ROBO1: variants seen among roughly 807,000 people sequenced by gnomAD.
The protein encoded by ROBO1 is roundabout guidance receptor 1, also known as roundabout homolog 1.
In ROBO1, 149 loss-of-function variants were observed where a neutral mutation model predicts 195.9. That is an observed-to-expected ratio of 0.76 (90% CI 0.67 to 0.87). The LOEUF is 0.87. Among genes scored for constraint, ROBO1 ranks in the 40% least tolerant of loss-of-function variants. The pLI is 0.00. For missense variants in ROBO1, 1,933 were observed against 2,068.3 expected, an observed-to-expected ratio of 0.93 and a Z score of 1.27; for synonymous variants, 816 against 733.2, an observed-to-expected ratio of 1.11 and a Z score of -1.82.
At chr3:79,518,206 A>T (rs918515808) in intron 2 of ROBO1, among the ~76,000 whole-genome samples, 7 of 152,204 alleles carry the variant, frequency 4.6e-5, no homozygotes, top group Admixed American at 1.3e-4. Context: ...AAGTGTATTT[A>T]GTTTATCAAT....
At chr3:79,431,607 T>A (rs1438127397) in intron 2 of ROBO1, among the ~76,000 whole-genome samples, 7 of 152,120 alleles carry the variant, frequency 4.6e-5, no homozygotes, top group Non-Finnish European at 8.8e-5. Context: ...TACAAATCAT[T>A]TACTAGGCAA....
At chr3:79,522,030 A>G (rs922134230) in intron 2 of ROBO1, among the ~76,000 whole-genome samples, 1 of 152,214 alleles carries the variant, frequency 6.6e-6, no homozygotes, top group Non-Finnish European at 1.5e-5. Context: ...ATGACTGTCA[A>G]TATGGTCAAA....
chr3:78,757,042 C>A (rs536311185), intron 4 of ROBO1, among the ~76,000 whole-genome samples: 2 of 152,316 alleles, frequency 1.3e-5, no homozygotes, highest in South Asian at 2.1e-4. Flanking sequence ...CAGGCAAGCA[C>A]CACCATGCCC....
chr3:78,823,874 CTGTGTG>C (rs374708762), intron 4 of ROBO1, among the ~76,000 whole-genome samples: 16 of 150,440 alleles, frequency 1.1e-4, no homozygotes, highest in African/African-American at 2.4e-4. Context: ...AATTTTGTCA[CTGTGTG>C]TGTGTGTGTG....
intron 4 of ROBO1, among the ~76,000 whole-genome samples, chr3:78,758,547 A>AAAAAAAC (rs2083004001): frequency 6.9e-6 from 1 of 144,676 alleles, no homozygotes; most frequent in African/African-American, 2.6e-5. Flanking sequence ...AAAAAAAAAA[A>AAAAAAAC]AATCCTCCTC....
At chr3:79,684,358 T>C (rs1947037731) in intron 1 of ROBO1, among the ~76,000 whole-genome samples, 1 of 152,108 alleles carries the variant, frequency 6.6e-6, no homozygotes, top group South Asian at 2.1e-4. Flanking sequence ...TTCAGTTATT[T>C]TGCTTTTTTG....
chr3:78,958,064 T>C (rs933801768), intron 3 of ROBO1, among the ~76,000 whole-genome samples: 2 of 152,200 alleles, frequency 1.3e-5, no homozygotes, highest in Non-Finnish European at 2.9e-5. Flanking sequence ...TAAATTTACT[T>C]TGTCATTAAT....
intron 2 of ROBO1, among the ~76,000 whole-genome samples, chr3:79,560,986 G>A (rs1002317369): frequency 1.3e-5 from 2 of 151,666 alleles, no homozygotes; most frequent in African/African-American, 2.4e-5. Context: ...TTTCCCAACC[G>A]ATATTTGACT....
At chr3:78,997,901 A>G (rs2077406843) in intron 3 of ROBO1, among the ~76,000 whole-genome samples, 1 of 152,168 alleles carries the variant, frequency 6.6e-6, no homozygotes, top group South Asian at 2.1e-4. Flanking sequence ...GAGAAGGTCT[A>G]TCTTTGGAAA....
rs1039385903 is a variant in ROBO1 at position 79,207,748 on chromosome 3, G to T, written c.89-82209C>A. ...GAATCCCCCTAATTTCTTTTACATG[G>T]AGAGTCATATAAGATTGAATTGGTG... is the stretch of plus-strand genomic sequence containing the variant. On this transcript the variant is annotated intron_variant, in intron 2 of 30. Transcript: ENST00000464233. Among the ~76,000 whole-genome samples the T allele has an allele frequency of 4.7e-5, 7 of 149,000 alleles. 2 individuals carry two copies. Among genetic ancestry groups the T allele is most frequent in the Non-Finnish European group, 7.4e-5 (5 of 67,594 alleles).
At chr3:78,711,403 CTTTCTTT>C (rs2081726298) in intron 8 of ROBO1, among the ~76,000 whole-genome samples, 48 of 56,720 alleles carry the variant, frequency 8.5e-4, no homozygotes, top group East Asian at 5.8e-3. Context: ...TCCTTCCTTT[CTTTCTTT>C]CTTTCTTTCT....
intron 2 of ROBO1, among the ~76,000 whole-genome samples, chr3:79,499,253 C>A (rs1432716511): frequency 6.6e-6 from 1 of 152,084 alleles, no homozygotes; most frequent in Non-Finnish European, 1.5e-5. Context: ...CCTTGGCCTC[C>A]CAAAGTGCTG....
At chr3:79,300,867 G>T (rs1436086869) in intron 2 of ROBO1, among the ~76,000 whole-genome samples, 1 of 151,956 alleles carries the variant, frequency 6.6e-6, no homozygotes, top group Non-Finnish European at 1.5e-5. Flanking sequence ...GAACCTTTAT[G>T]TCACACTCTG....
At chr3:78,862,476 G>A (rs993427677) in intron 4 of ROBO1, among the ~76,000 whole-genome samples, 5 of 152,068 alleles carry the variant, frequency 3.3e-5, no homozygotes, top group African/African-American at 4.8e-5. Flanking sequence ...AGCTGAACCC[G>A]CTCAGACTTC....
At chr3:79,584,325 A>G (rs1046025549) in intron 2 of ROBO1, among the ~76,000 whole-genome samples, 4 of 149,756 alleles carry the variant, frequency 2.7e-5, no homozygotes, top group African/African-American at 9.7e-5. Context: ...TCCCTAAAGT[A>G]CTGTTGAGCA....
intron 10 of ROBO1, among the ~76,000 whole-genome samples, chr3:78,677,176 C>T (rs921544407): frequency 2.6e-5 from 4 of 152,154 alleles, no homozygotes; most frequent in Admixed American, 2.0e-4. Context: ...GAAGGAAGTA[C>T]TAAACGTGGA....
intron 4 of ROBO1, among the ~76,000 whole-genome samples, chr3:78,759,623 G>A (rs1308673291): frequency 1.3e-5 from 2 of 152,052 alleles, no homozygotes; most frequent in Non-Finnish European, 2.9e-5. Context: ...TTTTCTCTCA[G>A]AACTTCTATT....
intron 1 of ROBO1, among the ~76,000 whole-genome samples, chr3:79,705,143 C>T (rs1216560217): frequency 6.6e-6 from 1 of 151,754 alleles, no homozygotes; most frequent in African/African-American, 2.4e-5. Flanking sequence ...TCTACTCGTT[C>T]TCTTGAAAGT....
At chr3:79,544,496 C>T (rs1036817408) in intron 2 of ROBO1, among the ~76,000 whole-genome samples, 2 of 151,806 alleles carry the variant, frequency 1.3e-5, no homozygotes, top group African/African-American at 4.8e-5. Flanking sequence ...TTTCAAATAA[C>T]AATATATTCT....
Sources: gnomAD v4.1 joint callset for allele counts (sites outside exome capture counted in the v4.1 genomes callset) on GRCh38, gnomAD v4.1.1 for gene constraint, MANE v1.5 for transcripts, NCBI Gene and HGNC (gene_info 2026-07-23, HGNC 2026-07-21) for gene names.